KANSL1: variants seen among roughly 807,000 people sequenced by gnomAD.
The protein encoded by KANSL1 is MLL1/MLL complex subunit KANSL1.
In KANSL1, 22 loss-of-function variants were observed where a neutral mutation model predicts 103.6. That is an observed-to-expected ratio of 0.21 (90% confidence interval 0.15 to 0.30). KANSL1 has a LOEUF of 0.30. Among genes scored for constraint, KANSL1 ranks in the 10% least tolerant of loss-of-function variants. The pLI is 1.00. For missense variants in KANSL1, 1,337 were observed against 1,399.8 expected (o/e 0.96, Z 0.72); for synonymous variants, 600 against 527.6 (o/e 1.14, Z -1.88).
rs542543248 is a variant in KANSL1 at position 46,031,489 on chromosome 17, G to A, written c.3305C>T (p.Pro1102Leu). ...HLVAAATAQR[P>L]THR Reference sequence around the variant, plus strand: ...GCTGTCTCCCGCTCATCTGTGAGTCGGGCGCTGAGCTGTGGCTGCTGCCAC... The same window carrying A: ...GCTGTCTCCCGCTCATCTGTGAGTCAGGCGCTGAGCTGTGGCTGCTGCCAC... Residue 1102 changes from proline to leucine, a missense_variant, in exon 15 of 15, where the codon CCG becomes CTG. Physicochemically the swap from Pro to Leu is moderately conservative, Grantham distance 98 (BLOSUM62 -3). This residue lies in a region of KANSL1 where 780 missense variants were observed against 923.4 expected (regional missense o/e 0.84). Coordinates refer to ENST00000432791, the MANE Select transcript of KANSL1 (RefSeq NM_015443.4). 29 of 1,609,314 alleles carry A rather than the reference G, an allele frequency of 1.8e-5. No individual in the cohort carries two copies. Among genetic ancestry groups the A allele is most frequent in the Middle Eastern group, 1.7e-4 (1 of 6,050 alleles).
At chr17:46,177,030 A>T (rs1206717494) in intron 1 of KANSL1, among the ~76,000 whole-genome samples, 1 of 152,218 alleles carries the variant, frequency 6.6e-6, no homozygotes, top group Non-Finnish European at 1.5e-5. Flanking sequence ...CTATGCTAAG[A>T]TTCAACATTA....
rs1010222113 is a variant in KANSL1 at position 46,031,941 on chromosome 17, C to T, written c.3090+106G>A. ...TCAATTTAAGTGCAGCCCTTTGTCC[C>T]TTCAAAAGGGGGAGGGGATGGCTAG... is the stretch of plus-strand genomic sequence containing the variant. On this transcript the variant is annotated intron_variant, in intron 14 of 14. Coordinates refer to ENST00000432791, the MANE Select transcript of KANSL1 (RefSeq NM_015443.4). 9.5e-5 allele frequency: 144 copies of T among 1,518,392 alleles called. 2 individuals are homozygous for T. Among genetic ancestry groups the T allele is most frequent in the Non-Finnish European group, 1.0e-4 (115 of 1,108,694 alleles). 94.1% of individuals were successfully genotyped at this position (1,518,392 alleles called of 1,614,324 possible).
chr17:46,152,590 G>C (rs1025227787), intron 2 of KANSL1, among the ~76,000 whole-genome samples: 2 of 142,228 alleles, frequency 1.4e-5, no homozygotes, highest in South Asian at 2.5e-4. Flanking sequence ...AAAGGGGGGG[G>C]GGGGATTTCA....
At chr17:46,087,137 C>CA (rs1380120941) in intron 3 of KANSL1, among the ~76,000 whole-genome samples, 1 of 152,204 alleles carries the variant, frequency 6.6e-6, no homozygotes, top group Non-Finnish European at 1.5e-5. Context: ...GGAAAAGAGT[C>CA]AGAGACACTG....
chr17:46,122,758 G>A (rs1423884732), intron 2 of KANSL1, among the ~76,000 whole-genome samples: 1 of 152,198 alleles, frequency 6.6e-6, no homozygotes, highest in Non-Finnish European at 1.5e-5. Flanking sequence ...TTCATTATCT[G>A]TTATGATGAT....
rs189474446 is a variant in KANSL1, at chr17:46,169,074, A to G, written c.1289+1781T>C. Among the ~76,000 whole-genome samples the G allele has an allele frequency of 2.6e-5, 4 of 152,380 alleles. No individual in the cohort carries two copies. In the East Asian group the frequency reaches 7.7e-4, roughly 29 times the overall value. On this transcript the variant is annotated intron_variant, in intron 2 of 14. Transcript: ENST00000432791. ...GTCTAGGTGCTTTTCTGTTACTCAA[A>G]ATAAGTGCATGCAATTTAAAATCCT... is the stretch of plus-strand genomic sequence containing the variant.
At chr17:46,054,256 G>A (rs62063682) in intron 6 of KANSL1, among the ~76,000 whole-genome samples, 21,793 of 152,232 alleles carry the variant, frequency 0.14, 2,130 homozygotes, top group Non-Finnish European at 0.22. Context: ...GTTTCACCAC[G>A]TTGGCCAGGC....
chr17:46,175,310 CTGTGTGTG>C (rs71138529), intron 1 of KANSL1, among the ~76,000 whole-genome samples: 12,787 of 137,472 alleles, frequency 0.093, 615 homozygotes, highest in African/African-American at 0.15. Flanking sequence ...TGTCTTATTG[CTGTGTGTG>C]TGTGTGTGTG....
At chr17:46,121,806 C>A (rs1042945267) in intron 2 of KANSL1, among the ~76,000 whole-genome samples, 4 of 152,098 alleles carry the variant, frequency 2.6e-5, no homozygotes, top group Non-Finnish European at 4.4e-5. Context: ...CCCAATAAAC[C>A]CATCATAATT....
At chr17:46,155,375 C>T (rs2147542299) in intron 2 of KANSL1, among the ~76,000 whole-genome samples, 1 of 152,264 alleles carries the variant, frequency 6.6e-6, no homozygotes, top group South Asian at 2.1e-4. Context: ...CCAGGCTGGT[C>T]TCGAACTCCC....
chr17:46,113,949 G>C (rs2042932504), intron 2 of KANSL1, among the ~76,000 whole-genome samples: 2 of 152,296 alleles, frequency 1.3e-5, no homozygotes, highest in South Asian at 2.1e-4. Flanking sequence ...CTATCTCTAA[G>C]CATCTCAATT....
chr17:46,101,288 A>G (rs1240090420), intron 2 of KANSL1, among the ~76,000 whole-genome samples: 1 of 152,242 alleles, frequency 6.6e-6, no homozygotes, highest in African/African-American at 2.4e-5. Context: ...AAGCAGTGTG[A>G]AACAGAGGGA....
intron 1 of KANSL1, among the ~76,000 whole-genome samples, chr17:46,173,863 G>C (rs2046398730): frequency 6.6e-6 from 1 of 152,236 alleles, no homozygotes; most frequent in Non-Finnish European, 1.5e-5. Flanking sequence ...GAAAGGGAAA[G>C]TATGCATAAA....
chr17:46,067,412 T>C, intron 5 of KANSL1, 137 bp downstream of exon 5: 1 of 665,904 alleles, frequency 1.5e-6, no homozygotes, highest in South Asian at 1.8e-5. Context: ...CATTATACAG[T>C]GAAGATTAAA....
chr17:46,033,935 A>G (rs1400725295), intron 11 of KANSL1, among the ~76,000 whole-genome samples: 1 of 152,242 alleles, frequency 6.6e-6, no homozygotes, highest in African/African-American at 2.4e-5. Context: ...TAGACCAGTA[A>G]GTGAATGGCC....
intron 2 of KANSL1, among the ~76,000 whole-genome samples, chr17:46,102,272 T>G: frequency 6.6e-6 from 1 of 151,978 alleles, no homozygotes; most frequent in East Asian, 1.9e-4. Context: ...TTTTTTGAGA[T>G]GGAATCTCGC....
intron 4 of KANSL1, among the ~76,000 whole-genome samples, chr17:46,073,346 A>C (rs1022843448): frequency 1.3e-5 from 2 of 152,202 alleles, no homozygotes; most frequent in African/African-American, 4.8e-5. Flanking sequence ...AACAGAAACT[A>C]ACACACAAAT....
At chr17:46,066,442 G>C in intron 6 of KANSL1, 95 bp downstream of exon 6, 1 of 1,130,604 alleles carries the variant, frequency 8.8e-7, no homozygotes, top group South Asian at 2.3e-5. Context: ...TTGGTGGTTA[G>C]CCAAGTTTAG....
At chr17:46,134,388 AC>A (rs1567713420) in intron 2 of KANSL1, among the ~76,000 whole-genome samples, 3 of 151,128 alleles carry the variant, frequency 2.0e-5, no homozygotes. Context: ...CAAGAACAAA[AC>A]TCCATCTCAA....
Sources: allele counts gnomAD v4.1 joint callset (sites outside exome capture counted in the v4.1 genomes callset), GRCh38; gene constraint gnomAD v4.1.1; regional missense constraint gnomAD v4.1.1; transcripts MANE v1.5; gene names NCBI Gene and HGNC (gene_info 2026-07-23, HGNC 2026-07-21).